The following MYLK4 variants were observed in gnomAD, a reference collection of about 807,000 sequenced individuals.
MYLK4 encodes caMLCK like.
MYLK4 carries 46 observed loss-of-function variants against 48.1 expected under a neutral mutation model. That is an observed-to-expected ratio of 0.96 (90% CI 0.75 to 1.22). MYLK4 has a LOEUF of 1.22. Among genes scored for constraint, MYLK4 ranks in the 50% most tolerant of loss-of-function variants. MYLK4 has a pLI of 0.00. For missense variants in MYLK4, 451 were observed against 486.1 expected (o/e 0.93, Z 0.68); for synonymous variants, 170 against 180.8 (o/e 0.94, Z 0.48).
intron 12 of MYLK4, among the ~76,000 whole-genome samples, chr6:2,669,268 G>C (rs1302358119): frequency 6.6e-6 from 1 of 152,230 alleles, no homozygotes; most frequent in Non-Finnish European, 1.5e-5. Context: ...AGCAGAGGCT[G>C]TGTCCAGCTG....
upstream of MYLK4, among the ~76,000 whole-genome samples, chr6:2,752,246 G>C (rs1281557498): frequency 1.3e-5 from 2 of 152,144 alleles, no homozygotes; most frequent in East Asian, 3.8e-4. Context: ...CTACAGAAAA[G>C]GTGCAAAGGT....
intron 2 of MYLK4, among the ~76,000 whole-genome samples, chr6:2,703,662 A>ATTTTTT (rs759946900): frequency 4.3e-4 from 27 of 62,142 alleles, no homozygotes; most frequent in African/African-American, 1.8e-3. Context: ...CCCTTTGTGA[A>ATTTTTT]TTCTTTTTTT....
At chr6:2,690,467 A>C (rs1473967544) in intron 3 of MYLK4, among the ~76,000 whole-genome samples, 2 of 152,170 alleles carry the variant, frequency 1.3e-5, no homozygotes, top group Non-Finnish European at 2.9e-5. Context: ...GTCCAGTTGC[A>C]GCTCTCAAAG....
At chr6:2,766,291 G>T in the MYLK4 span, 3 of 1,601,644 alleles carry the variant, frequency 1.9e-6, no homozygotes, top group African/African-American at 2.7e-5. Flanking sequence ...AGATGCTACA[G>T]GGCAAGCCGC....
chr6:2,752,481 A>G (rs1764319344), upstream of MYLK4, among the ~76,000 whole-genome samples: 1 of 151,892 alleles, frequency 6.6e-6, no homozygotes, highest in African/African-American at 2.4e-5. Flanking sequence ...TTTATGATAG[A>G]TTGGGTATGG....
chr6:2,697,802 C>T (rs1762121503), intron 2 of MYLK4, among the ~76,000 whole-genome samples: 1 of 152,220 alleles, frequency 6.6e-6, no homozygotes, highest in African/African-American at 2.4e-5. Flanking sequence ...GTCTGTCTGC[C>T]CGCTGGCATA....
At chr6:2,697,341 G>A (rs1401662831) in intron 2 of MYLK4, among the ~76,000 whole-genome samples, 2 of 152,234 alleles carry the variant, frequency 1.3e-5, no homozygotes, top group Non-Finnish European at 2.9e-5. Flanking sequence ...CTTCTGCAAA[G>A]TACTGCTTTT....
At position 2,725,500 on chromosome 6, in the gene MYLK4, G is replaced by GGA. The variant is rs1455816520; in HGVS notation, c.159+23634_159+23635dup. Reference sequence around the variant, plus strand: ...AAGAAAGAAAGGAAGAAAGAGAGGGGGAGAGAGAGAGAGACAGAGAGAGAG... The same window carrying GGA: ...AAGAAAGAAAGGAAGAAAGAGAGGGGGAGAGAGAGAGAGAGACAGAGAGAGAG... On this transcript the variant is annotated intron_variant, in intron 2 of 12. Coordinates refer to ENST00000274643, the MANE Select transcript of MYLK4 (RefSeq NM_001012418.5). 6.9e-5 allele frequency among the ~76,000 whole-genome samples: 10 copies of GGA among 145,250 alleles called. No homozygotes were observed. In the East Asian group the frequency reaches 8.0e-4, roughly 12 times the overall value.
At chr6:2,695,067 T>A (rs753855935) in intron 2 of MYLK4, among the ~76,000 whole-genome samples, 4 of 152,132 alleles carry the variant, frequency 2.6e-5, no homozygotes, top group Non-Finnish European at 5.9e-5. Context: ...TGTCGAAAGA[T>A]TACAATTAAC....
At chr6:2,714,232 G>C (rs1028515240) in intron 2 of MYLK4, among the ~76,000 whole-genome samples, 1 of 152,182 alleles carries the variant, frequency 6.6e-6, no homozygotes, top group African/African-American at 2.4e-5. Flanking sequence ...TTGCTCATTA[G>C]CATAACACAT....
At chr6:2,724,961 G>A (rs1157067667) in intron 2 of MYLK4, among the ~76,000 whole-genome samples, 2 of 152,128 alleles carry the variant, frequency 1.3e-5, no homozygotes, top group East Asian at 3.9e-4. Context: ...GACCAGCCTG[G>A]CCAACATGAT....
chr6:2,694,106 G>A (rs553972492), intron 2 of MYLK4, among the ~76,000 whole-genome samples: 1 of 152,248 alleles, frequency 6.6e-6, no homozygotes, highest in South Asian at 2.1e-4. Context: ...TGGATTCAGA[G>A]TATTTCCGTT....
intron 2 of MYLK4, among the ~76,000 whole-genome samples, chr6:2,697,628 A>T (rs1762112741): frequency 6.6e-6 from 1 of 152,218 alleles, no homozygotes; most frequent in African/African-American, 2.4e-5. Flanking sequence ...ACTGAACAAC[A>T]TCGTCTAATC....
the MYLK4 span, chr6:2,768,864 G>T: frequency 6.2e-7 from 1 of 1,610,534 alleles, no homozygotes; most frequent in Middle Eastern, 1.8e-4. Flanking sequence ...AGATTCATCG[G>T]TTCAATAAAT....
chr6:2,691,411 G>A (rs1253679641), intron 3 of MYLK4, among the ~76,000 whole-genome samples: 1 of 152,174 alleles, frequency 6.6e-6, no homozygotes, highest in Non-Finnish European at 1.5e-5. Context: ...AATAGATACT[G>A]TGATATGTGA....
At chr6:2,699,064 GC>G (rs957004185) in intron 2 of MYLK4, among the ~76,000 whole-genome samples, 5 of 152,064 alleles carry the variant, frequency 3.3e-5, no homozygotes, top group Non-Finnish European at 7.4e-5. Flanking sequence ...GCCTTTCCAT[GC>G]ACCCACAATT....
At chr6:2,739,690 A>C (rs146073637) in intron 2 of MYLK4, among the ~76,000 whole-genome samples, 1 of 152,384 alleles carries the variant, frequency 6.6e-6, no homozygotes, top group Non-Finnish European at 1.5e-5. Context: ...GGTTTTAAAA[A>C]ATCATTACAA....
the MYLK4 span, among the ~76,000 whole-genome samples, chr6:2,756,449 G>A: frequency 0.66 from 99,645 of 152,006 alleles, 33,133 homozygotes; most frequent in Non-Finnish European, 0.71. Context: ...ATTTCTTCAA[G>A]GAGCCCTCCT....
chr6:2,690,960 C>G (rs1027919369), intron 3 of MYLK4, among the ~76,000 whole-genome samples: 9 of 151,856 alleles, frequency 5.9e-5, no homozygotes, highest in African/African-American at 7.3e-5. Flanking sequence ...TCCCGAGTAG[C>G]TGGGACTACA....
Sources: gnomAD v4.1 joint callset for allele counts (sites outside exome capture counted in the v4.1 genomes callset) on GRCh38, gnomAD v4.1.1 for gene constraint, MANE v1.5 for transcripts, NCBI Gene and HGNC (gene_info 2026-07-23, HGNC 2026-07-21) for gene names.